Variants in ADD3 observed in about 807,000 individuals in gnomAD.
ADD3 encodes the protein gamma-adducin.
In ADD3, 25 loss-of-function variants were observed where a neutral mutation model predicts 80.2. The observed-to-expected ratio is 0.31, with a 90% CI of 0.23 to 0.44. The LOEUF (loss-of-function observed/expected upper bound fraction) is 0.44. Ranked by LOEUF, ADD3 falls within the 20% of genes least tolerant of loss-of-function variation. The pLI is 1.00. For missense variants in ADD3, 829 were observed against 847.5 expected, an observed-to-expected ratio of 0.98 and a Z score of 0.27; for synonymous variants, 284 against 289.6, an observed-to-expected ratio of 0.98 and a Z score of 0.20.
intron 1 of ADD3, among the ~76,000 whole-genome samples, chr10:110,087,804 C>G (rs1274963557): frequency 6.6e-6 from 1 of 152,118 alleles, no homozygotes; most frequent in African/African-American, 2.4e-5. Flanking sequence ...TGTTAGTTTC[C>G]TAGAACTGCT....
At chr10:110,054,904 G>C (rs532541862) in intron 1 of ADD3, among the ~76,000 whole-genome samples, 2 of 152,074 alleles carry the variant, frequency 1.3e-5, no homozygotes, top group Non-Finnish European at 2.9e-5. Context: ...ATGAGCCACC[G>C]CGCCTGGCCT....
intron 1 of ADD3, among the ~76,000 whole-genome samples, chr10:110,024,888 G>T (rs1260264885): frequency 6.6e-6 from 1 of 151,230 alleles, no homozygotes; most frequent in Non-Finnish European, 1.5e-5. Context: ...ACAGTGAAAA[G>T]TAAGTTGTCA....
intron 1 of ADD3, among the ~76,000 whole-genome samples, chr10:110,095,854 C>T (rs1196313360): frequency 6.6e-6 from 1 of 152,092 alleles, no homozygotes; most frequent in Admixed American, 6.5e-5. Context: ...AGCCAATCCC[C>T]AAAGGTTTTA....
chr10:110,042,328 C>T (rs1244353052), intron 1 of ADD3, among the ~76,000 whole-genome samples: 2 of 151,960 alleles, frequency 1.3e-5, no homozygotes, highest in Non-Finnish European at 2.9e-5. Flanking sequence ...AGGGTGTCAG[C>T]GAAGGCAGTG....
chr10:110,135,255 A>G lies in ADD3; in HGVS notation c.*1637A>G, dbSNP rs1390127842. On this transcript the variant is annotated 3_prime_UTR_variant, in exon 15 of 15. Transcript: ENST00000356080. ...CAGTTGCTTAACTCTCTATTGGAAG[A>G]TTTTTTTAATGTTCTACATCATTTA... is the stretch of plus-strand genomic sequence containing the variant. 1.3e-5 allele frequency: 2 copies of G among 152,584 alleles called. No individual in the cohort carries two copies. The highest frequency in any genetic ancestry group is 4.8e-5 in the African/African-American group (2 of 41,436). The allele number at this position is 152,584 out of a possible 1,614,324, so 9.5% of individuals were successfully genotyped here.
At chr10:110,039,783 C>G (rs1468354805) in intron 1 of ADD3, among the ~76,000 whole-genome samples, 2 of 152,320 alleles carry the variant, frequency 1.3e-5, no homozygotes, top group Non-Finnish European at 2.9e-5. Context: ...CAAGGCTTGA[C>G]TGAGGCTAGA....
At chr10:110,132,103 G>A (rs140742430) in intron 13 of ADD3, among the ~76,000 whole-genome samples, 34 of 152,256 alleles carry the variant, frequency 2.2e-4, no homozygotes, top group African/African-American at 7.5e-4. Flanking sequence ...ATAACCATTA[G>A]CAGCCAGAAA....
intron 1 of ADD3, among the ~76,000 whole-genome samples, chr10:110,053,428 CTA>C (rs57440819): frequency 0.12 from 18,644 of 151,810 alleles, 3,638 homozygotes; most frequent in African/African-American, 0.42. Flanking sequence ...AAGGTCATCT[CTA>C]TGTGTTTAAA....
intron 1 of ADD3, among the ~76,000 whole-genome samples, chr10:110,040,981 TCTCTCC>T (rs1189918152): frequency 7.7e-6 from 1 of 129,888 alleles, no homozygotes; most frequent in Non-Finnish European, 1.8e-5. Context: ...TCTCTCTCTC[TCTCTCC>T]GTGTGTCTGT....
intron 1 of ADD3, among the ~76,000 whole-genome samples, chr10:110,098,632 GA>G (rs1211518866): frequency 6.6e-6 from 1 of 151,720 alleles, no homozygotes; most frequent in African/African-American, 2.4e-5. Flanking sequence ...CATGAATACA[GA>G]ATTTTTTTTT....
chr10:110,100,349 CAAA>C (rs750807063), intron 1 of ADD3, among the ~76,000 whole-genome samples: 4 of 74,976 alleles, frequency 5.3e-5, no homozygotes, highest in East Asian at 3.6e-4. Flanking sequence ...GACTCCATCT[CAAA>C]AAAAAAAAAA....
chr10:110,066,056 CTTAAT>C, intron 1 of ADD3, among the ~76,000 whole-genome samples: 1 of 152,090 alleles, frequency 6.6e-6, no homozygotes, highest in Admixed American at 6.5e-5. Context: ...GTTTTGAACA[CTTAAT>C]TTAAGGGTCT....
At chr10:110,020,322 T>C (rs1249945597) in intron 1 of ADD3, among the ~76,000 whole-genome samples, 1 of 152,098 alleles carries the variant, frequency 6.6e-6, no homozygotes, top group East Asian at 1.9e-4. Context: ...ATAAAGTATG[T>C]GTTACGTTAG....
intron 1 of ADD3, among the ~76,000 whole-genome samples, chr10:110,066,928 T>C (rs1169450203): frequency 6.6e-6 from 1 of 152,246 alleles, no homozygotes; most frequent in East Asian, 1.9e-4. Context: ...TTTTGCACTC[T>C]AGCTACAAAT....
intron 1 of ADD3, among the ~76,000 whole-genome samples, chr10:110,066,331 C>T (rs998897160): frequency 3.9e-5 from 6 of 152,024 alleles, no homozygotes; most frequent in African/African-American, 1.2e-4. Flanking sequence ...CGTCTGCCTC[C>T]GAGGTTCAAG....
intron 1 of ADD3, among the ~76,000 whole-genome samples, chr10:110,015,059 G>C (rs1232739026): frequency 2.0e-5 from 3 of 152,056 alleles, no homozygotes. Flanking sequence ...ATTTTTAGTA[G>C]AGATGGGGTT....
chr10:110,084,800 A>G (rs1394133035), intron 1 of ADD3, among the ~76,000 whole-genome samples: 1 of 152,206 alleles, frequency 6.6e-6, no homozygotes, highest in Non-Finnish European at 1.5e-5. Flanking sequence ...TTGTTTCTCT[A>G]CAATCCTAAC....
chr10:110,107,795 A>G (rs1590153670), intron 2 of ADD3, among the ~76,000 whole-genome samples: 1 of 152,206 alleles, frequency 6.6e-6, no homozygotes, highest in East Asian at 1.9e-4. Context: ...GTAGTCGGCA[A>G]CTGTTTTTTG....
chr10:110,021,406 T>C (rs1348472776), intron 1 of ADD3, among the ~76,000 whole-genome samples: 3 of 152,130 alleles, frequency 2.0e-5, no homozygotes, highest in Non-Finnish European at 4.4e-5. Context: ...CACAAAAAAA[T>C]TGTACACTAG....
Sources: allele counts gnomAD v4.1 joint callset (sites outside exome capture counted in the v4.1 genomes callset), GRCh38; gene constraint gnomAD v4.1.1; transcripts MANE v1.5; gene names NCBI Gene and HGNC (gene_info 2026-07-23, HGNC 2026-07-21).